Variants in UGT2B17 observed in about 807,000 individuals in gnomAD.
UGT2B17 encodes UDP glucuronosyltransferase family 2 member B17.
In UGT2B17, 21 loss-of-function variants were observed where a neutral mutation model predicts 48.2. The ratio of observed to expected loss-of-function variants is 0.44; its 90% CI spans 0.31 to 0.63. UGT2B17 has a LOEUF of 0.63. Ranked by LOEUF, UGT2B17 falls within the 20% of genes least tolerant of loss-of-function variation. The pLI, the probability that UGT2B17 is intolerant of heterozygous loss-of-function variation, is 0.08. For missense variants in UGT2B17, 402 were observed against 696.1 expected (o/e 0.58, Z 4.75); for synonymous variants, 146 against 238.4 (o/e 0.61, Z 3.57).
At chr4:68,556,085 G>A (rs1730994908) in intron 4 of UGT2B17, among the ~76,000 whole-genome samples, 1 of 122,600 alleles carries the variant, frequency 8.2e-6, no homozygotes, top group African/African-American at 2.8e-5. Flanking sequence ...AATGATCTGT[G>A]TAAGTCACAA....
At chr4:68,552,062 C>G (rs1317440335) in intron 4 of UGT2B17, 151 bp from the exon 5 acceptor site, 1 of 485,266 alleles carries the variant, frequency 2.1e-6, no homozygotes, top group African/African-American at 2.1e-5. Flanking sequence ...TACTAAAAGT[C>G]TGAGGTAAGC....
At chr4:68,552,042 T>A in intron 4 of UGT2B17, 131 bp from the exon 5 acceptor site, 1 of 601,660 alleles carries the variant, frequency 1.7e-6, no homozygotes, top group Non-Finnish European at 2.3e-6. Flanking sequence ...TGATGTCAAG[T>A]AATGAGAACT....
Position 68,549,008 on chromosome 4 carries a change from G to T in UGT2B17, c.1313+1669C>A, listed in dbSNP as rs1357413615. Reference sequence around the variant, plus strand: ...AGAATACCCTTTATTTCTTTTTCTTGCCTGATTGCCCTAGTTCACATTTAA... The same window carrying T: ...AGAATACCCTTTATTTCTTTTTCTTTCCTGATTGCCCTAGTTCACATTTAA... On this transcript the variant is annotated intron_variant, in intron 6 of 6. Coordinates refer to ENST00000317746, the MANE Select transcript of UGT2B17 (RefSeq NM_001077.4). Among the ~76,000 whole-genome samples the T allele has an allele frequency of 6.5e-5, 8 of 123,478 alleles. 1 individual carries two copies. Among genetic ancestry groups the T allele is most frequent in the Non-Finnish European group, 1.2e-4 (7 of 58,572 alleles). The allele number at this position is 123,478 out of a possible 152,430, so 81.0% of individuals were successfully genotyped here.
rs370257182 is a variant in UGT2B17, at chr4:68,545,412, C to T, written c.1313+5265G>A. Among the ~76,000 whole-genome samples the T allele has an allele frequency of 1.3e-4, 16 of 124,642 alleles. 5 individuals carry two copies. Among genetic ancestry groups the T allele is most frequent in the Admixed American group, 4.9e-4 (6 of 12,172 alleles). 81.8% of individuals were successfully genotyped at this position (124,642 alleles called of 152,430 possible). ...ACACAACATACCAGAATCTCTGGGA[C>T]GCATTCAAAGCAGTGTGTAGATGGA... On this transcript the variant is annotated intron_variant, in intron 6 of 6. Coordinates refer to ENST00000317746, the MANE Select transcript of UGT2B17 (RefSeq NM_001077.4).
chr4:68,543,159 C>T (rs1487934300), intron 6 of UGT2B17, among the ~76,000 whole-genome samples: 1 of 126,014 alleles, frequency 7.9e-6, no homozygotes, highest in Non-Finnish European at 1.7e-5. Flanking sequence ...GGTCCTGATC[C>T]CCGAGTAGCC....
chr4:68,548,342 G>A (rs145003969), intron 6 of UGT2B17, among the ~76,000 whole-genome samples: 7,409 of 124,758 alleles, frequency 0.059, 1,824 homozygotes, highest in African/African-American at 0.17. Flanking sequence ...ACCAAACACC[G>A]CATGTTCTCA....
rs985384385 is a variant in UGT2B17 at position 68,552,349 on chromosome 4, T to C, written c.1006-438A>G. ...CAAAGGAATTCAGCCATTTGTCTCC[T>C]ATCTACCTATGACCTGGAAGCCCCT... On this transcript the variant is annotated intron_variant, in intron 4 of 6. Coordinates refer to ENST00000317746, the MANE Select transcript of UGT2B17 (RefSeq NM_001077.4). Among the ~76,000 whole-genome samples the C allele has an allele frequency of 1.6e-5, 2 of 126,428 alleles. 1 individual carries two copies. Among genetic ancestry groups the C allele is most frequent in the African/African-American group, 5.4e-5 (2 of 37,088 alleles). The allele number at this position is 126,428 out of a possible 152,430, so 82.9% of individuals were successfully genotyped here.
intron 4 of UGT2B17, among the ~76,000 whole-genome samples, chr4:68,558,222 A>C (rs1731037966): frequency 8.0e-6 from 1 of 124,324 alleles, no homozygotes; most frequent in South Asian, 3.8e-4. Context: ...ATGTTTCAAA[A>C]ATAACAGTAT....
At position 68,566,998 on chromosome 4, in the gene UGT2B17, G is replaced by T. The variant is rs1219201491; in HGVS notation, c.724+763C>A. 3.4e-5 allele frequency among the ~76,000 whole-genome samples: 4 copies of T among 117,798 alleles called. 1 individual carries two copies. The highest frequency in any genetic ancestry group is 1.7e-3 in the East Asian group (2 of 1,204). The allele number at this position is 117,798 out of a possible 152,430, so 77.3% of individuals were successfully genotyped here. A position where few individuals can be genotyped will look rare whatever the true frequency, so the allele number is the denominator to read the frequency against. On this transcript the variant is annotated intron_variant, in intron 2 of 6. Transcript: ENST00000317746. ...CTACTACTGTCTTGGTTCATCTTAA[G>T]ATCTTAATATAATTAGATTTTTAAA...
rs1184343722 is a variant in UGT2B17, at chr4:68,572,390, C to T, written c.-65+3561G>A. Among the ~76,000 whole-genome samples, 3 of 126,276 alleles carry T rather than the reference C, an allele frequency of 2.4e-5. 1 individual carries two copies. Among genetic ancestry groups the T allele is most frequent in the Non-Finnish European group, 5.0e-5 (3 of 59,626 alleles). 82.8% of individuals were successfully genotyped at this position (126,276 alleles called of 152,430 possible). A position where few individuals can be genotyped will look rare whatever the true frequency, so the allele number is the denominator to read the frequency against. On this transcript the variant is annotated intron_variant, in intron 1 of 6. Transcript: ENST00000317746. ...GCTTAAAATTGTTCATAACACACAT[C>T]AGGTTGGTTATTTCCTGGGCTACAT...
In UGT2B17 at chr4:68,537,436, C is replaced by A; in HGVS notation, c.*189G>T. On this transcript the variant is annotated 3_prime_UTR_variant, in exon 7 of 7. Transcript: ENST00000317746. ...TTATTATTTTTCATAGCTTAAAAATCATTGACATAGAATAATTCCAACTAA... is the reference window on the plus strand; with the variant it reads ...TTATTATTTTTCATAGCTTAAAAATAATTGACATAGAATAATTCCAACTAA... The A allele has an allele frequency of 2.3e-6, 1 of 443,702 alleles. No individual in the cohort carries two copies. 27.5% of individuals were successfully genotyped at this position (443,702 alleles called of 1,614,324 possible). A position where few individuals can be genotyped will look rare whatever the true frequency, so the allele number is the denominator to read the frequency against.
In UGT2B17 at chr4:68,555,508, A is replaced by C. The variant is rs1730984784; in HGVS notation, c.1006-3597T>G. On this transcript the variant is annotated intron_variant, in intron 4 of 6. Transcript: ENST00000317746. ...TAGTTTGGCCTACACCCAGAAATAAACACGGAGAGCTTGGAGGTTAAAAGC... is the reference window on the plus strand; with the variant it reads ...TAGTTTGGCCTACACCCAGAAATAACCACGGAGAGCTTGGAGGTTAAAAGC... Among the ~76,000 whole-genome samples the C allele has an allele frequency of 4.0e-5, 5 of 126,058 alleles. 2 individuals are homozygous for C. The allele number at this position is 126,058 out of a possible 152,430, so 82.7% of individuals were successfully genotyped here.
intron 6 of UGT2B17, among the ~76,000 whole-genome samples, chr4:68,543,245 AG>A (rs1730717634): frequency 8.0e-6 from 1 of 125,316 alleles, no homozygotes; most frequent in African/African-American, 2.7e-5. Context: ...AAACTTCCAG[AG>A]GAACAATCAG....
At chr4:68,541,897 A>T (rs1205876141) in intron 6 of UGT2B17, among the ~76,000 whole-genome samples, 2 of 126,862 alleles carry the variant, frequency 1.6e-5, no homozygotes, top group Non-Finnish European at 3.3e-5. Flanking sequence ...TTTATTAAAT[A>T]GGGAATCCTT....
chr4:68,550,557 CA>C, intron 6 of UGT2B17, 119 bp downstream of exon 6: 2 of 765,162 alleles, frequency 2.6e-6, no homozygotes, highest in African/African-American at 3.6e-5. Context: ...GCAGATTTTA[CA>C]TTGGTTAAAT....
chr4:68,564,112 A>T (rs1209698493), intron 3 of UGT2B17, among the ~76,000 whole-genome samples: 1 of 123,116 alleles, frequency 8.1e-6, no homozygotes, highest in African/African-American at 2.8e-5. Context: ...AAACTCATGT[A>T]AAAGTTCCTA....
rs1220574652 is a variant in UGT2B17, at chr4:68,562,372, C to T, written c.874-1704G>A. Among the ~76,000 whole-genome samples, 5 of 125,622 alleles carry T rather than the reference C, an allele frequency of 4.0e-5. 1 individual carries two copies. The Admixed American group carries it at 4.1e-4, about 10-fold the overall frequency. 82.4% of individuals were successfully genotyped at this position (125,622 alleles called of 152,430 possible). ...TCATGATCCACCTGCCTCGGCCTCC[C>T]AAAGTGGTGGGATTACAGGCTTGAG... is the stretch of plus-strand genomic sequence containing the variant. On this transcript the variant is annotated intron_variant, in intron 3 of 6. Transcript: ENST00000317746.
chr4:68,556,423 C>G (rs952375949), intron 4 of UGT2B17, among the ~76,000 whole-genome samples: 1 of 124,602 alleles, frequency 8.0e-6, no homozygotes, highest in African/African-American at 2.7e-5. Flanking sequence ...TGGCATAATG[C>G]TAACAGTGTT....
chr4:68,566,718 A>C, intron 2 of UGT2B17, among the ~76,000 whole-genome samples: 1 of 60,100 alleles, frequency 1.7e-5, no homozygotes, highest in Non-Finnish European at 3.2e-5. Flanking sequence ...GTATTTCTTT[A>C]CAGCAGTGTG....
Sources: gnomAD v4.1 joint callset for allele counts (sites outside exome capture counted in the v4.1 genomes callset) on GRCh38, gnomAD v4.1.1 for gene constraint, MANE v1.5 for transcripts, NCBI Gene and HGNC (gene_info 2026-07-23, HGNC 2026-07-21) for gene names.